NIBAN1: variants seen among roughly 807,000 people sequenced by gnomAD.
NIBAN1 encodes protein Niban 1.
In NIBAN1, 81 loss-of-function variants were observed where a neutral mutation model predicts 75.1. That is an observed-to-expected ratio of 1.08 (90% confidence interval 0.90 to 1.30). NIBAN1 has a LOEUF of 1.30. Among genes scored for constraint, NIBAN1 ranks in the 50% most tolerant of loss-of-function variants. The pLI, the probability that NIBAN1 is intolerant of heterozygous loss-of-function variation, is 0.00. For synonymous variants in NIBAN1, 436 were observed against 424.8 expected, an observed-to-expected ratio of 1.03 and a Z score of -0.32; for missense variants, 1,133 against 1,128.1, an observed-to-expected ratio of 1.00 and a Z score of -0.06.
chr1:184,947,805 A>G (rs984272204), intron 1 of NIBAN1, among the ~76,000 whole-genome samples: 1 of 152,192 alleles, frequency 6.6e-6, no homozygotes, highest in Admixed American at 6.5e-5. Context: ...TAACAAAATA[A>G]CTGTCCAAAT....
At chr1:184,868,856 G>A (rs1490891979) in intron 5 of NIBAN1, among the ~76,000 whole-genome samples, 3 of 152,096 alleles carry the variant, frequency 2.0e-5, no homozygotes, top group Admixed American at 2.0e-4. Context: ...GGCCTGCTTG[G>A]CTTTAAAATC....
chr1:184,818,705 A>G lies in NIBAN1; in HGVS notation c.1106T>C (p.Phe369Ser), dbSNP rs1654606333. ...GCTGACTTCATTCACCTCTTTCTCA[A>G]AGAGTACACGTACTTCACTGAATCC... ...SSGFSEVRVL[F>S]EKEVNEVSQN... The change falls in exon 9 of 14, where the codon TTT becomes TCT. Residue 369 changes from phenylalanine (F) to serine (S), a missense_variant. Physicochemically the swap from Phe to Ser is radical, Grantham distance 155. Transcript: ENST00000367511. The G allele has an allele frequency of 6.2e-7, 1 of 1,612,810 alleles. No individual in the cohort carries two copies. The highest frequency in any genetic ancestry group is 8.5e-7 in the Non-Finnish European group (1 of 1,179,088).
Position 184,948,133 on chromosome 1 carries a change from T to A in NIBAN1, c.55+26169A>T, listed in dbSNP as rs1360681092. Among the ~76,000 whole-genome samples, 4 of 152,152 alleles carry A rather than the reference T, an allele frequency of 2.6e-5. No individual in the cohort carries two copies. In the East Asian group the frequency reaches 7.7e-4, roughly 29 times the overall value. On this transcript the variant is annotated intron_variant, in intron 1 of 13. Coordinates refer to ENST00000367511, the MANE Select transcript of NIBAN1 (RefSeq NM_052966.4). ...TCAAAAATAGGAAATAAAAAAAAAA[T>A]CCTTAGGAATAAGAATTATAGTCAT...
At chr1:184,813,823 G>A (rs1654450984) in intron 9 of NIBAN1, among the ~76,000 whole-genome samples, 1 of 152,194 alleles carries the variant, frequency 6.6e-6, no homozygotes, top group South Asian at 2.1e-4. Context: ...GACACATGGA[G>A]TTCGATGCTG....
At chr1:184,943,739 T>A (rs936572784) in intron 1 of NIBAN1, among the ~76,000 whole-genome samples, 3 of 152,100 alleles carry the variant, frequency 2.0e-5, no homozygotes, top group African/African-American at 4.8e-5. Flanking sequence ...ATAAAATTTT[T>A]AAAAATGACT....
chr1:184,902,263 G>A (rs1289298763), intron 1 of NIBAN1, among the ~76,000 whole-genome samples: 5 of 152,082 alleles, frequency 3.3e-5, no homozygotes, highest in Admixed American at 3.3e-4. Flanking sequence ...TGATGTTGGA[G>A]CAAAATACCA....
chr1:184,925,399 C>T (rs540396162), intron 1 of NIBAN1, among the ~76,000 whole-genome samples: 29 of 152,140 alleles, frequency 1.9e-4, no homozygotes, highest in African/African-American at 6.5e-4. Context: ...GTTTAGTTCA[C>T]TTACATTCAA....
At chr1:184,974,098 A>G (rs958224076) in intron 1 of NIBAN1, among the ~76,000 whole-genome samples, 1 of 151,992 alleles carries the variant, frequency 6.6e-6, no homozygotes, top group Non-Finnish European at 1.5e-5. Context: ...CTCGCTCCCA[A>G]GCCCTCCCGG....
chr1:184,823,718 C>T lies in NIBAN1; in HGVS notation c.742G>A (p.Glu248Lys), dbSNP rs1169689511. 2 of 1,614,004 alleles carry T rather than the reference C, an allele frequency of 1.2e-6. No homozygotes were observed. Among genetic ancestry groups the T allele is most frequent in the Non-Finnish European group, 1.7e-6 (2 of 1,179,982 alleles). The change falls in exon 7 of 14, where the codon GAG becomes AAG. Residue 248 changes from glutamate (E) to lysine (K), a missense_variant. Transcript: ENST00000367511. ...TCTGTCTGAAGAGTGGGCAGGAGCT[C>T]CTCCATCACCAGGTTACTCAGGATC... ...IQILSNLVMEELLPTLQTDLL... is the reference protein window; with the variant it reads ...IQILSNLVMEKLLPTLQTDLL...
At chr1:184,921,774 C>T (rs894212782) in intron 1 of NIBAN1, among the ~76,000 whole-genome samples, 1 of 152,166 alleles carries the variant, frequency 6.6e-6, no homozygotes, top group Admixed American at 6.5e-5. Flanking sequence ...TCCAAATTAG[C>T]ATCAATTCTG....
chr1:184,805,716 C>A (rs918635562), intron 11 of NIBAN1, among the ~76,000 whole-genome samples: 12 of 152,138 alleles, frequency 7.9e-5, no homozygotes, highest in Admixed American at 4.6e-4. Context: ...GACGCGGGGC[C>A]TGTAGCTGTG....
At chr1:184,963,248 T>C (rs1658697026) in intron 1 of NIBAN1, among the ~76,000 whole-genome samples, 1 of 152,120 alleles carries the variant, frequency 6.6e-6, no homozygotes, top group South Asian at 2.1e-4. Context: ...ATTCAGTATA[T>C]ATTTATGATT....
chr1:184,873,148 G>A (rs994360241), intron 5 of NIBAN1, among the ~76,000 whole-genome samples: 1 of 152,118 alleles, frequency 6.6e-6, no homozygotes, highest in East Asian at 1.9e-4. Flanking sequence ...TCAAGAATAC[G>A]AATGAGATAA....
chr1:184,895,548 C>T (rs547012182), intron 2 of NIBAN1, among the ~76,000 whole-genome samples: 57 of 152,224 alleles, frequency 3.7e-4, no homozygotes, highest in African/African-American at 1.3e-3. Context: ...TCTTGAAACC[C>T]CTTCTTTTTT....
chr1:184,807,125 G>A (rs957331196), intron 10 of NIBAN1, among the ~76,000 whole-genome samples: 13 of 152,074 alleles, frequency 8.5e-5, no homozygotes, highest in Non-Finnish European at 1.8e-4. Context: ...CTAAGAATTT[G>A]TCTCACTCAA....
intron 5 of NIBAN1, among the ~76,000 whole-genome samples, chr1:184,864,961 G>T (rs1655913420): frequency 6.9e-6 from 1 of 145,818 alleles, no homozygotes; most frequent in South Asian, 2.2e-4. Context: ...ACAGGTTTTA[G>T]CTGAAACAAT....
intron 1 of NIBAN1, among the ~76,000 whole-genome samples, chr1:184,906,412 C>T (rs1259460317): frequency 6.6e-6 from 1 of 152,112 alleles, no homozygotes; most frequent in Non-Finnish European, 1.5e-5. Context: ...GGGTGGATCA[C>T]CTGAGGTCAG....
At chr1:184,945,681 TGGTTAA>T (rs1261882850) in intron 1 of NIBAN1, among the ~76,000 whole-genome samples, 1 of 152,240 alleles carries the variant, frequency 6.6e-6, no homozygotes, top group Non-Finnish European at 1.5e-5. Context: ...AACGGTCTTT[TGGTTAA>T]TTGTCCCACT....
intron 1 of NIBAN1, among the ~76,000 whole-genome samples, chr1:184,950,624 A>G (rs376286132): frequency 6.6e-6 from 1 of 152,220 alleles, no homozygotes; most frequent in Non-Finnish European, 1.5e-5. Flanking sequence ...TCTAAAGGCT[A>G]TCGTGAAATA....
Sources: gnomAD v4.1 joint callset for allele counts (sites outside exome capture counted in the v4.1 genomes callset) on GRCh38, gnomAD v4.1.1 for gene constraint, MANE v1.5 for transcripts, NCBI Gene and HGNC (gene_info 2026-07-23, HGNC 2026-07-21) for gene names.